The following EXOC1 variants were observed in gnomAD, a reference collection of about 807,000 sequenced individuals.
The protein encoded by EXOC1 is exocyst complex component 1.
In EXOC1, 67 loss-of-function variants were observed where a neutral mutation model predicts 107.7. The ratio of observed to expected loss-of-function variants is 0.62; its 90% CI spans 0.51 to 0.76. The LOEUF (loss-of-function observed/expected upper bound fraction) is 0.76. EXOC1 is among the 30% of genes least tolerant of loss of function. The pLI is 0.00. For synonymous variants in EXOC1, 348 were observed against 353.5 expected, an observed-to-expected ratio of 0.98 and a Z score of 0.17; for missense variants, 833 against 1,055.7, an observed-to-expected ratio of 0.79 and a Z score of 2.92.
At chr4:55,884,926 T>C (rs910079615) in intron 10 of EXOC1, among the ~76,000 whole-genome samples, 2 of 152,188 alleles carry the variant, frequency 1.3e-5, no homozygotes, top group East Asian at 3.8e-4. Flanking sequence ...ATATATTGAT[T>C]ATACTAGTCC....
At position 55,862,316 on chromosome 4, in the gene EXOC1, A is replaced by ATT. The variant is rs201169091; in HGVS notation, c.255+1786_255+1787dup. Among the ~76,000 whole-genome samples the ATT allele has an allele frequency of 2.2e-3, 319 of 146,124 alleles. 2 individuals carry two copies. Among genetic ancestry groups the ATT allele is most frequent in the South Asian group, 6.9e-3 (32 of 4,618 alleles). ...TGCCTCTTGCAGACTTGCTTAATGG[A>ATT]TTTTTTTTTTTTGCATTTTATGTAG... On this transcript the variant is annotated intron_variant, in intron 3 of 18. Coordinates refer to ENST00000381295, the MANE Select transcript of EXOC1 (RefSeq NM_001024924.2).
At position 55,893,781 on chromosome 4, in the gene EXOC1, G is replaced by C. The variant is rs1724856030; in HGVS notation, c.1953+1G>C. On this transcript the variant is annotated splice_donor_variant, in intron 15 of 18. Coordinates refer to ENST00000381295, the MANE Select transcript of EXOC1 (RefSeq NM_001024924.2). LOFTEE classifies it high-confidence loss of function. The stretch of plus-strand genomic sequence containing the variant: ...CAAAAGGAACTTTGACAAATGCATT[G>C]TAAGTTTTCTTTTTTAAAAAAATAC... 1 of 1,607,598 alleles carries C rather than the reference G, an allele frequency of 6.2e-7. No individual in the cohort carries two copies.
intron 8 of EXOC1, chr4:55,876,994 A>G (rs1722964368): frequency 1.0e-6 from 1 of 985,282 alleles, no homozygotes; most frequent in Non-Finnish European, 1.2e-6. Context: ...CATTTCCTCT[A>G]GGCCAGAAAT....
chr4:55,871,855 A>T lies in EXOC1; in HGVS notation c.971A>T (p.Asp324Val), dbSNP rs752911368. Residue 324 changes from aspartate to valine, a missense_variant, in exon 8 of 19, where the codon GAC becomes GTC. Coordinates refer to ENST00000381295, the MANE Select transcript of EXOC1 (RefSeq NM_001024924.2). ...CMNVALRPGH[D>V]LLLAVKQQQQ... The stretch of plus-strand genomic sequence containing the variant: ...AAATGTCGTTCTGTGTCAGGCCATG[A>T]CTTGCTTCTGGCAGTCAAACAGCAA... The T allele has an allele frequency of 1.2e-6, 2 of 1,613,540 alleles. No individual in the cohort carries two copies. The highest frequency in any genetic ancestry group is 1.3e-5 in the African/African-American group (1 of 74,868).
intron 1 of EXOC1, among the ~76,000 whole-genome samples, chr4:55,855,288 A>C (rs1720856335): frequency 6.6e-6 from 1 of 152,200 alleles, no homozygotes; most frequent in African/African-American, 2.4e-5. Context: ...TTGCAGTGCG[A>C]AAAGAAAGGA....
chr4:55,877,768 G>C, intron 8 of EXOC1, 149 bp from the exon 9 acceptor site: 1 of 1,438,320 alleles, frequency 7.0e-7, no homozygotes, highest in Non-Finnish European at 9.1e-7. Flanking sequence ...GTAAGTATTT[G>C]GTTTTTATTT....
At chr4:55,897,129 C>CT (rs755247967) in intron 16 of EXOC1, among the ~76,000 whole-genome samples, 386 of 135,840 alleles carry the variant, frequency 2.8e-3, no homozygotes, top group East Asian at 0.016. Context: ...AATTGAAAAT[C>CT]TTTTTTTTTT....
chr4:55,899,525 AG>A, intron 16 of EXOC1, among the ~76,000 whole-genome samples, 159 bp from the exon 17 acceptor site: 1 of 152,290 alleles, frequency 6.6e-6, no homozygotes, highest in African/African-American at 2.4e-5. Flanking sequence ...TATTATGATT[AG>A]GTAGATCTGA....
rs1721048501 is a variant in EXOC1, at chr4:55,857,143, TTTCATTAC to T, written c.-10-1164_-10-1157del. On this transcript the variant is annotated intron_variant, in intron 1 of 18. Coordinates refer to ENST00000381295, the MANE Select transcript of EXOC1 (RefSeq NM_001024924.2). ...CAAGATTCATCAATATTTTAGCATG[TTTCATTAC>T]TTCATTTCCTTTTTTTCTTTTTTTT... 2.6e-5 allele frequency among the ~76,000 whole-genome samples: 4 copies of T among 151,760 alleles called. No individual in the cohort carries two copies. In the South Asian group the frequency reaches 8.3e-4, roughly 32 times the overall value.
intron 15 of EXOC1, among the ~76,000 whole-genome samples, chr4:55,895,118 G>C (rs1445586171): frequency 1.3e-5 from 2 of 152,122 alleles, no homozygotes; most frequent in South Asian, 2.1e-4. Flanking sequence ...TCTTCTGCCT[G>C]TCATACTTCT....
rs75291899 is a variant in EXOC1, at chr4:55,857,533, T to C, written c.-10-781T>C. 6.2e-3 allele frequency among the ~76,000 whole-genome samples: 950 copies of C among 152,338 alleles called. 4 individuals are homozygous for C. Among genetic ancestry groups the C allele is most frequent in the Non-Finnish European group, 9.7e-3 (661 of 68,038 alleles). On this transcript the variant is annotated intron_variant, in intron 1 of 18. Transcript: ENST00000381295. ...ATGGATATACCACATTTTGCTTATGTATCATTTGATGGACATTTCTGTTAT... is the reference window on the plus strand; with the variant it reads ...ATGGATATACCACATTTTGCTTATGCATCATTTGATGGACATTTCTGTTAT...
At chr4:55,893,101 A>G (rs569662196) in intron 14 of EXOC1, among the ~76,000 whole-genome samples, 47 of 152,198 alleles carry the variant, frequency 3.1e-4, no homozygotes, top group African/African-American at 1.1e-3. Flanking sequence ...ATATTTAGAC[A>G]TTTTTATTTG....
In EXOC1 at chr4:55,861,912, G is replaced by A. The variant is rs145171587; in HGVS notation, c.255+1371G>A. ...CTACTAAAATACAAAAAATTAGCTG[G>A]GCGTGGCGGCACACGCCTGTAGTCC... On this transcript the variant is annotated intron_variant, in intron 3 of 18. Transcript: ENST00000381295. 4.4e-3 allele frequency among the ~76,000 whole-genome samples: 667 copies of A among 152,298 alleles called. 3 individuals are homozygous for A. Among genetic ancestry groups the A allele is most frequent in the African/African-American group, 0.015 (617 of 41,554 alleles).
At chr4:55,865,148 T>G (rs1198100803) in intron 4 of EXOC1, among the ~76,000 whole-genome samples, 1 of 152,204 alleles carries the variant, frequency 6.6e-6, no homozygotes, top group Non-Finnish European at 1.5e-5. Context: ...TAGCTATTAT[T>G]ATGTTACCAG....
chr4:55,853,900 C>T lies in EXOC1; in HGVS notation c.-64C>T, dbSNP rs1314466242. On this transcript the variant is annotated 5_prime_UTR_variant, in exon 1 of 19. Transcript: ENST00000381295. ...GGCTCCTCAGTCCGGCTGCTGTCTC[C>T]ACGCCTGGGGTCGGGCACCGCTCCT... 6.6e-6 allele frequency: 1 copy of T among 152,548 alleles called. No homozygotes were observed. The highest frequency in any genetic ancestry group is 1.9e-4 in the East Asian group (1 of 5,194). 9.4% of individuals were successfully genotyped at this position (152,548 alleles called of 1,614,324 possible).
At chr4:55,861,060 C>G (rs981728667) in intron 3 of EXOC1, among the ~76,000 whole-genome samples, 4 of 151,762 alleles carry the variant, frequency 2.6e-5, no homozygotes, top group Admixed American at 2.6e-4. Flanking sequence ...ATAGATAAAC[C>G]ACACTCAAAC....
Position 55,864,078 on chromosome 4 carries a change from A to G in EXOC1, c.256-149A>G, listed in dbSNP as rs964933692. On this transcript the variant is annotated intron_variant, in intron 3 of 18. Coordinates refer to ENST00000381295, the MANE Select transcript of EXOC1 (RefSeq NM_001024924.2). ...GTGGTAAACTTTTTGCTATAAATTG[A>G]ATTCTCCAAACTCTTCCTTTCCAGT... 7 of 567,614 alleles carry G rather than the reference A, an allele frequency of 1.2e-5. No individual in the cohort carries two copies. The Admixed American group carries it at 2.5e-4, about 20-fold the overall frequency. 35.2% of individuals were successfully genotyped at this position (567,614 alleles called of 1,614,324 possible).
At chr4:55,876,295 A>C (rs1722888326) in intron 8 of EXOC1, 3 of 985,420 alleles carry the variant, frequency 3.0e-6, no homozygotes, top group Non-Finnish European at 3.6e-6. Context: ...AGCCACCCAG[A>C]AAAGAATATC....
rs540724665 is a variant in EXOC1 at position 55,898,452 on chromosome 4, A to G, written c.2138-1233A>G. Among the ~76,000 whole-genome samples, 3 of 150,994 alleles carry G rather than the reference A, an allele frequency of 2.0e-5. No individual in the cohort carries two copies. The East Asian group carries it at 5.8e-4, about 29-fold the overall frequency. On this transcript the variant is annotated intron_variant, in intron 16 of 18. Coordinates refer to ENST00000381295, the MANE Select transcript of EXOC1 (RefSeq NM_001024924.2). ...TCTGAAATGAATTTAAAGCAGAAGT[A>G]TTGTTAGATCCTTTATTATTTAGCA...
Sources: gnomAD v4.1 joint callset for allele counts (sites outside exome capture counted in the v4.1 genomes callset) on GRCh38, gnomAD v4.1.1 for gene constraint, MANE v1.5 for transcripts, NCBI Gene and HGNC (gene_info 2026-07-23, HGNC 2026-07-21) for gene names.